Variants in FRMD4B observed in about 807,000 individuals in gnomAD.
FRMD4B encodes the protein FERM domain containing 4B, also known as FERM domain-containing protein 4B.
Under a neutral mutation model 141.5 loss-of-function variants are expected in FRMD4B, and 74 were observed. The observed-to-expected ratio is 0.52, with a 90% confidence interval of 0.43 to 0.63. FRMD4B has a LOEUF of 0.63. Ranked by LOEUF, FRMD4B falls within the 30% of genes least tolerant of loss-of-function variation. The pLI, the probability that FRMD4B is intolerant of heterozygous loss-of-function variation, is 0.00. For missense variants in FRMD4B, 1,366 were observed against 1,253.4 expected, an observed-to-expected ratio of 1.09 and a Z score of -1.36; for synonymous variants, 506 against 467.9, an observed-to-expected ratio of 1.08 and a Z score of -1.05.
chr3:69,532,983 C>A (rs573381040), intron 1 of FRMD4B, among the ~76,000 whole-genome samples: 51 of 152,324 alleles, frequency 3.3e-4, no homozygotes, highest in African/African-American at 1.1e-3. Flanking sequence ...TCTGTCTAGG[C>A]TACTTAGTGA....
chr3:69,292,767 A>G (rs1251046683), intron 4 of FRMD4B, among the ~76,000 whole-genome samples: 1 of 151,670 alleles, frequency 6.6e-6, no homozygotes, highest in African/African-American at 2.4e-5. Context: ...GGGCTTCTTA[A>G]TGACATGAAA....
Position 69,475,043 on chromosome 3 carries a change from G to A in FRMD4B, c.-128-42282C>T, listed in dbSNP as rs747966984. ...CCCAAATTACACAATACATAGCAAC[G>A]TGACCTCGGGTGTGTGCCCTTACCT... On this transcript the variant is annotated intron_variant, in intron 1 of 5. Coordinates refer to the FRMD4B transcript ENST00000459638. Among the ~76,000 whole-genome samples the A allele has an allele frequency of 6.6e-5, 10 of 152,182 alleles. No homozygotes were observed. The East Asian group carries it at 1.4e-3, about 21-fold the overall frequency.
chr3:69,229,673 T>G (rs13323929), intron 7 of FRMD4B, among the ~76,000 whole-genome samples: 4,200 of 152,312 alleles, frequency 0.028, 208 homozygotes, highest in African/African-American at 0.095. Flanking sequence ...AAAGTGTTCA[T>G]CTTCATAAGT....
intron 11 of FRMD4B, among the ~76,000 whole-genome samples, chr3:69,206,034 T>C (rs1031836835): frequency 3.9e-5 from 6 of 152,234 alleles, no homozygotes; most frequent in African/African-American, 1.2e-4. Context: ...ATGTTTCAAA[T>C]ATGATCTCAA....
chr3:69,394,928 C>T (rs973471893), intron 2 of FRMD4B, among the ~76,000 whole-genome samples: 2 of 152,100 alleles, frequency 1.3e-5, no homozygotes, highest in African/African-American at 4.8e-5. Flanking sequence ...GAAAACCAAA[C>T]ACCCGCCTGT....
chr3:69,407,398 C>A (rs915756448), intron 2 of FRMD4B, among the ~76,000 whole-genome samples: 4 of 152,148 alleles, frequency 2.6e-5, no homozygotes, highest in African/African-American at 7.2e-5. Flanking sequence ...GTCAGCATTG[C>A]ACAGTGTAAT....
intron 5 of FRMD4B, among the ~76,000 whole-genome samples, chr3:69,286,232 C>T (rs1700684840): frequency 6.6e-6 from 1 of 152,186 alleles, no homozygotes; most frequent in South Asian, 2.1e-4. Context: ...GAAATGCTAA[C>T]TCCATGGGTA....
At chr3:69,419,564 A>T (rs576011326) in intron 2 of FRMD4B, among the ~76,000 whole-genome samples, 3 of 152,236 alleles carry the variant, frequency 2.0e-5, no homozygotes, top group African/African-American at 7.2e-5. Context: ...ACTTGATACC[A>T]AAAAGGGGCA....
chr3:69,484,218 T>A (rs1389404750), intron 1 of FRMD4B, among the ~76,000 whole-genome samples: 1 of 152,180 alleles, frequency 6.6e-6, no homozygotes, highest in African/African-American at 2.4e-5. Flanking sequence ...AAGAATGATT[T>A]AACAGTTCAA....
At chr3:69,531,417 T>C (rs1701007193) in intron 1 of FRMD4B, among the ~76,000 whole-genome samples, 1 of 151,882 alleles carries the variant, frequency 6.6e-6, no homozygotes, top group Non-Finnish European at 1.5e-5. Flanking sequence ...GAAAGAACCA[T>C]GTGCCATGTT....
intron 1 of FRMD4B, among the ~76,000 whole-genome samples, chr3:69,526,367 C>T (rs1215363669): frequency 6.6e-6 from 1 of 152,144 alleles, no homozygotes; most frequent in Non-Finnish European, 1.5e-5. Context: ...CTCCCATTCC[C>T]TGTCTCATTT....
intron 7 of FRMD4B, among the ~76,000 whole-genome samples, chr3:69,245,776 G>A (rs1359363045): frequency 6.9e-6 from 1 of 145,310 alleles, no homozygotes; most frequent in Admixed American, 7.1e-5. Flanking sequence ...CAATTATCTC[G>A]CTTCAGCCTT....
chr3:69,198,882 AC>A (rs2092936603), intron 11 of FRMD4B, 108 bp from the exon 12 acceptor site: 1 of 657,102 alleles, frequency 1.5e-6, no homozygotes. Flanking sequence ...GTACACTGAT[AC>A]GATGAAACAT....
intron 1 of FRMD4B, among the ~76,000 whole-genome samples, chr3:69,381,313 A>G (rs1704113361): frequency 6.6e-6 from 1 of 152,216 alleles, no homozygotes; most frequent in African/African-American, 2.4e-5. Context: ...TAGCCTGACA[A>G]TAATGTTGTT....
At chr3:69,290,409 C>T (rs1700834993) in intron 4 of FRMD4B, among the ~76,000 whole-genome samples, 3 of 152,220 alleles carry the variant, frequency 2.0e-5, no homozygotes, top group South Asian at 4.1e-4. Context: ...AGCAGGGTAG[C>T]CGAGTCACTT....
intron 1 of FRMD4B, among the ~76,000 whole-genome samples, chr3:69,507,607 T>A (rs561609384): frequency 1.9e-4 from 29 of 152,370 alleles, no homozygotes; most frequent in Admixed American, 3.9e-4. Context: ...CTTTTACTGC[T>A]ACAAACAGTG....
chr3:69,203,737 A>C (rs1351068798), intron 11 of FRMD4B, among the ~76,000 whole-genome samples: 1 of 152,196 alleles, frequency 6.6e-6, no homozygotes, highest in Non-Finnish European at 1.5e-5. Context: ...TTTGTGAAGC[A>C]CTCAGCCCAA....
intron 1 of FRMD4B, among the ~76,000 whole-genome samples, chr3:69,437,219 C>T (rs6792560): frequency 0.32 from 49,155 of 151,634 alleles, 8,111 homozygotes; most frequent in African/African-American, 0.35. Context: ...ACCACAGGCA[C>T]GCGCCACCAT....
chr3:69,366,514 T>A (rs1703662218), intron 1 of FRMD4B, among the ~76,000 whole-genome samples: 1 of 152,130 alleles, frequency 6.6e-6, no homozygotes, highest in African/African-American at 2.4e-5. Context: ...TGATCTCACC[T>A]CTGTAAAAAT....
Sources: gnomAD v4.1 joint callset for allele counts (sites outside exome capture counted in the v4.1 genomes callset) on GRCh38, gnomAD v4.1.1 for gene constraint, MANE v1.5 for transcripts, NCBI Gene and HGNC (gene_info 2026-07-23, HGNC 2026-07-21) for gene names.